The following KANK1 variants were observed in gnomAD, a reference collection of about 807,000 sequenced individuals.
KANK1 encodes the protein KN motif and ankyrin repeat domain-containing protein 1.
Under a neutral mutation model 106.2 loss-of-function variants are expected in KANK1, and 109 were observed. The ratio of observed to expected loss-of-function variants is 1.03; its 90% CI spans 0.88 to 1.20. KANK1 has a LOEUF of 1.20. KANK1 is among the 50% of genes most tolerant of loss of function. KANK1 has a pLI of 0.00. For missense variants in KANK1, 2,399 were observed against 1,710.7 expected (o/e 1.40, Z -7.10); for synonymous variants, 873 against 652.2 (o/e 1.34, Z -5.16).
At chr9:529,111 T>G (rs759931689) in intron 1 of KANK1, among the ~76,000 whole-genome samples, 1 of 151,768 alleles carries the variant, frequency 6.6e-6, no homozygotes, top group African/African-American at 2.4e-5. Context: ...TGGCTCAGAT[T>G]TAAAAGATGT....
chr9:551,475 A>C (rs2061278389), intron 1 of KANK1, among the ~76,000 whole-genome samples: 1 of 152,144 alleles, frequency 6.6e-6, no homozygotes, highest in Admixed American at 6.5e-5. Flanking sequence ...TGTTGAATTT[A>C]CTTTTCATCT....
chr9:672,453 TTAG>T (rs796325926), intron 1 of KANK1, among the ~76,000 whole-genome samples: 7 of 152,338 alleles, frequency 4.6e-5, no homozygotes, highest in African/African-American at 1.7e-4. Context: ...ATCTTTTTTA[TTAG>T]TAGTACTTAA....
At chr9:575,799 G>C (rs1168207727) in intron 1 of KANK1, among the ~76,000 whole-genome samples, 3 of 152,220 alleles carry the variant, frequency 2.0e-5, no homozygotes, top group Admixed American at 6.5e-5. Flanking sequence ...AGGCGGGCCC[G>C]ATCACTTGAG....
rs148507955 is a variant in KANK1 at position 607,051 on chromosome 9, T to G, written c.-83-69839T>G. ...CTTGAATTCTAATTTTATGTTTTCT[T>G]GGGTTATTCTTTAAAACAGGGTCTT... On this transcript the variant is annotated intron_variant, in intron 1 of 11. Transcript: ENST00000382297. 2.8e-3 allele frequency among the ~76,000 whole-genome samples: 427 copies of G among 151,920 alleles called. 2 individuals are homozygous for G. Among genetic ancestry groups the G allele is most frequent in the Middle Eastern group, 6.8e-3 (2 of 294 alleles).
At chr9:492,347 G>A (rs894356483) in intron 3 of KANK1, 1 of 152,218 alleles carries the variant, frequency 6.6e-6, no homozygotes, top group Non-Finnish European at 1.5e-5. Context: ...GAGAGAATCA[G>A]TATAGCTTAG....
At chr9:506,474 C>T (rs530935593) in intron 1 of KANK1, among the ~76,000 whole-genome samples, 3 of 152,164 alleles carry the variant, frequency 2.0e-5, no homozygotes, top group South Asian at 4.2e-4. Flanking sequence ...CTAGACTTGC[C>T]TAGTCCATAA....
chr9:534,516 T>TA (rs1187891416), intron 1 of KANK1, among the ~76,000 whole-genome samples: 1 of 152,212 alleles, frequency 6.6e-6, no homozygotes, highest in Non-Finnish European at 1.5e-5. Context: ...TTGGCAGACA[T>TA]ACGTCTTTGA....
At chr9:617,552 C>T (rs896870828) in intron 1 of KANK1, among the ~76,000 whole-genome samples, 1 of 152,172 alleles carries the variant, frequency 6.6e-6, no homozygotes, top group Non-Finnish European at 1.5e-5. Context: ...AGGCAGAGCC[C>T]AGTATCACCT....
At chr9:525,148 C>T (rs2059729900) in intron 1 of KANK1, among the ~76,000 whole-genome samples, 1 of 151,322 alleles carries the variant, frequency 6.6e-6, no homozygotes, top group South Asian at 2.1e-4. Flanking sequence ...GCATGCGCCA[C>T]CACACCTGGC....
intron 1 of KANK1, among the ~76,000 whole-genome samples, chr9:546,025 G>A (rs962316233): frequency 2.0e-5 from 3 of 152,102 alleles, no homozygotes; most frequent in African/African-American, 7.2e-5. Context: ...GGGATTACAG[G>A]TGTGAGCCAC....
chr9:597,783 C>T (rs1588124122), intron 1 of KANK1, among the ~76,000 whole-genome samples: 1 of 151,750 alleles, frequency 6.6e-6, no homozygotes, highest in Admixed American at 6.5e-5. Context: ...CCTGCCTCAG[C>T]CTCCTGGGTA....
chr9:705,907 A>T (rs1416093356), intron 2 of KANK1, among the ~76,000 whole-genome samples: 2 of 152,046 alleles, frequency 1.3e-5, no homozygotes, highest in African/African-American at 4.8e-5. Context: ...TCCAAAAAAA[A>T]TTTTTTTTAA....
chr9:518,915 A>T (rs1428174166), intron 1 of KANK1, among the ~76,000 whole-genome samples: 1 of 150,660 alleles, frequency 6.6e-6, no homozygotes, highest in Non-Finnish European at 1.5e-5. Context: ...TTTGAGACAG[A>T]GTTTCGCTCT....
intron 3 of KANK1, among the ~76,000 whole-genome samples, chr9:715,198 CAA>C (rs1317368883): frequency 6.6e-6 from 1 of 151,902 alleles, no homozygotes; most frequent in African/African-American, 2.4e-5. Flanking sequence ...TTTTAGAATC[CAA>C]AGAGTCTAAT....
At chr9:686,726 A>C in intron 2 of KANK1, 3 of 978,044 alleles carry the variant, frequency 3.1e-6, no homozygotes, top group Non-Finnish European at 1.2e-6. Context: ...TCATAAGTGC[A>C]ATGATTGTTA....
At chr9:645,029 C>G (rs1839332400) in intron 1 of KANK1, among the ~76,000 whole-genome samples, 1 of 141,956 alleles carries the variant, frequency 7.0e-6, no homozygotes, top group Admixed American at 7.6e-5. Context: ...GAGGCTCAGG[C>G]AGGAGAATTG....
At chr9:686,555 A>G (rs942964339) in intron 2 of KANK1, among the ~76,000 whole-genome samples, 7 of 152,036 alleles carry the variant, frequency 4.6e-5, no homozygotes, top group African/African-American at 1.2e-4. Flanking sequence ...TGCATGTCAA[A>G]CCATTTCAAC....
chr9:501,555 G>A (rs1412201255), upstream of KANK1, among the ~76,000 whole-genome samples: 1 of 151,618 alleles, frequency 6.6e-6, no homozygotes, highest in Admixed American at 6.6e-5. Flanking sequence ...ATTCCAAGAA[G>A]CCCAGCTAAA....
At position 472,251 on chromosome 9, in the gene KANK1, C is replaced by A. The variant is rs2058035095; in HGVS notation, c.-441-943C>A. Among the ~76,000 whole-genome samples, 3 of 152,346 alleles carry A rather than the reference C, an allele frequency of 2.0e-5. No individual in the cohort carries two copies. In the South Asian group the frequency reaches 6.2e-4, roughly 32 times the overall value. On this transcript the variant is annotated intron_variant, in intron 2 of 15. Transcript: ENST00000382303. Reference sequence around the variant, plus strand: ...TGACCTCCCCTCAAGCCATGACTGACCAAGGAAGTCAATGTCACCACTGAG... The same window carrying A: ...TGACCTCCCCTCAAGCCATGACTGAACAAGGAAGTCAATGTCACCACTGAG...
Sources: allele counts gnomAD v4.1 joint callset (sites outside exome capture counted in the v4.1 genomes callset), GRCh38; gene constraint gnomAD v4.1.1; transcripts MANE v1.5; gene names NCBI Gene and HGNC (gene_info 2026-07-23, HGNC 2026-07-21).